Variants in RIMS2 observed in about 807,000 individuals in gnomAD.
RIMS2 encodes regulating synaptic membrane exocytosis 2, also known as regulating synaptic membrane exocytosis protein 2.
Under a neutral mutation model 174.4 loss-of-function variants are expected in RIMS2, and 59 were observed. The observed-to-expected ratio is 0.34, with a 90% confidence interval of 0.27 to 0.42. RIMS2 has a LOEUF of 0.42. Among genes scored for constraint, RIMS2 ranks in the 10% least tolerant of loss-of-function variants. RIMS2 has a pLI of 1.00. For missense variants in RIMS2, 1,620 were observed against 1,666.3 expected (o/e 0.97, Z 0.48); for synonymous variants, 606 against 572.5 (o/e 1.06, Z -0.84).
At chr8:103,619,791 C>T (rs758871062) in intron 1 of RIMS2, among the ~76,000 whole-genome samples, 3 of 151,380 alleles carry the variant, frequency 2.0e-5, no homozygotes, top group Admixed American at 1.3e-4. Context: ...AGGATTCTCC[C>T]TTTAATCCGC....
rs1407165403 is a variant in RIMS2, at chr8:103,738,921, A to G, written c.388-27306A>G. ...TGTGGAGAAATAGGAACACTTTTAC[A>G]CTGTTGGTGGGACTGTAAACTAGTT... On this transcript the variant is annotated intron_variant, in intron 2 of 23. Coordinates refer to ENST00000504942, the Ensembl canonical transcript of RIMS2. Among the ~76,000 whole-genome samples the G allele has an allele frequency of 3.9e-5, 6 of 152,088 alleles. 1 individual carries two copies. The highest frequency in any genetic ancestry group is 8.8e-5 in the Non-Finnish European group (6 of 67,968).
chr8:103,551,846 C>A (rs554593577), intron 1 of RIMS2, among the ~76,000 whole-genome samples: 3 of 151,938 alleles, frequency 2.0e-5, no homozygotes, highest in African/African-American at 7.3e-5. Context: ...GAACTCCCAT[C>A]CACAATTGCT....
chr8:104,030,646 A>G (rs1007964753), intron 19 of RIMS2, among the ~76,000 whole-genome samples: 6 of 152,112 alleles, frequency 3.9e-5, no homozygotes, highest in Admixed American at 2.0e-4. Flanking sequence ...CTAACTCAGG[A>G]CATTTGCACA....
intron 19 of RIMS2, among the ~76,000 whole-genome samples, chr8:104,143,695 T>C (rs910207474): frequency 6.6e-6 from 1 of 152,218 alleles, no homozygotes; most frequent in African/African-American, 2.4e-5. Context: ...AAAGATGTTA[T>C]GAATAGTTTC....
chr8:103,693,381 G>A (rs754659582), intron 1 of RIMS2, among the ~76,000 whole-genome samples: 3 of 152,168 alleles, frequency 2.0e-5, no homozygotes, highest in Non-Finnish European at 2.9e-5. Flanking sequence ...CCTTATGACC[G>A]TGCTTTTTTA....
intron 1 of RIMS2, among the ~76,000 whole-genome samples, chr8:103,636,391 C>T (rs186838406): frequency 4.6e-5 from 7 of 152,148 alleles, no homozygotes; most frequent in South Asian, 2.1e-4. Context: ...GCTGCTCTGC[C>T]GAGACTCCAT....
chr8:104,155,766 A>G (rs2098720209), intron 19 of RIMS2, among the ~76,000 whole-genome samples: 1 of 152,146 alleles, frequency 6.6e-6, no homozygotes, highest in African/African-American at 2.4e-5. Flanking sequence ...AAGTGGCTTA[A>G]AAAGATTCTT....
At chr8:104,075,760 C>T (rs893773914) in intron 19 of RIMS2, among the ~76,000 whole-genome samples, 1 of 152,142 alleles carries the variant, frequency 6.6e-6, no homozygotes, top group African/African-American at 2.4e-5. Context: ...GAAAAAAGGA[C>T]AGCCTACATT....
At chr8:103,667,479 TAA>T (rs1355651555) in intron 1 of RIMS2, among the ~76,000 whole-genome samples, 2 of 152,158 alleles carry the variant, frequency 1.3e-5, no homozygotes, top group Non-Finnish European at 2.9e-5. Context: ...TGACGTAGGT[TAA>T]GAGGAGTGGA....
chr8:103,613,915 G>T (rs1352501520), intron 1 of RIMS2, among the ~76,000 whole-genome samples: 1 of 152,140 alleles, frequency 6.6e-6, no homozygotes, highest in African/African-American at 2.4e-5. Flanking sequence ...ATGTATTCAA[G>T]GTTCAAGACA....
chr8:103,630,858 G>A (rs1191248640), intron 1 of RIMS2, among the ~76,000 whole-genome samples: 1 of 152,116 alleles, frequency 6.6e-6, no homozygotes, highest in Non-Finnish European at 1.5e-5. Context: ...TCATTCTAAT[G>A]AGCAGTGAAT....
intron 2 of RIMS2, among the ~76,000 whole-genome samples, chr8:103,752,809 C>G (rs2097911881): frequency 6.6e-6 from 1 of 152,106 alleles, no homozygotes; most frequent in South Asian, 2.1e-4. Context: ...GCTGAAGTTA[C>G]TTATCAGCTT....
intron 1 of RIMS2, among the ~76,000 whole-genome samples, chr8:103,665,039 C>A (rs2096651396): frequency 6.6e-6 from 1 of 152,194 alleles, no homozygotes; most frequent in Non-Finnish European, 1.5e-5. Context: ...GAAAACCAAA[C>A]ATCGCATGTT....
At chr8:104,242,657 T>A (rs747360463) in intron 19 of RIMS2, among the ~76,000 whole-genome samples, 1 of 152,274 alleles carries the variant, frequency 6.6e-6, no homozygotes, top group Non-Finnish European at 1.5e-5. Context: ...TTGTTTTATG[T>A]ATGTGTGTCT....
intron 2 of RIMS2, among the ~76,000 whole-genome samples, chr8:103,740,598 T>G (rs1486341047): frequency 1.3e-5 from 2 of 152,170 alleles, no homozygotes. Flanking sequence ...TTGAAATATG[T>G]TTACTTTGAA....
At chr8:103,910,157 G>T in exon 5 of RIMS2, 1 of 1,611,806 alleles carries the variant, frequency 6.2e-7, no homozygotes, top group Non-Finnish European at 8.5e-7. Flanking sequence ...CAACTGGTTG[G>T]ATCATACGTC....
chr8:104,111,666 A>G (rs981602937), intron 19 of RIMS2, among the ~76,000 whole-genome samples: 1 of 152,126 alleles, frequency 6.6e-6, no homozygotes, highest in African/African-American at 2.4e-5. Context: ...TCAGCCTACC[A>G]AACTGCTGGG....
chr8:103,662,500 A>C (rs985364370), intron 1 of RIMS2, among the ~76,000 whole-genome samples: 10 of 152,184 alleles, frequency 6.6e-5, no homozygotes, highest in African/African-American at 2.4e-4. Flanking sequence ...TTTTCAAAGA[A>C]GTACTTTTTT....
chr8:104,115,389 G>A (rs974427785), intron 19 of RIMS2, among the ~76,000 whole-genome samples: 3 of 151,696 alleles, frequency 2.0e-5, no homozygotes, highest in African/African-American at 7.3e-5. Flanking sequence ...GTTCAGTGAG[G>A]AGGGAAGGAT....
Sources: allele counts gnomAD v4.1 joint callset (sites outside exome capture counted in the v4.1 genomes callset), GRCh38; gene constraint gnomAD v4.1.1; transcripts MANE v1.5; gene names NCBI Gene and HGNC (gene_info 2026-07-23, HGNC 2026-07-21).